CCDC80: variants seen among roughly 807,000 people sequenced by gnomAD.
CCDC80 encodes coiled-coil domain containing 80, also known as coiled-coil domain-containing protein 80.
A neutral mutation model predicts 78.7 loss-of-function variants in CCDC80; 49 were observed. The observed-to-expected ratio is 0.62, with a 90% CI of 0.50 to 0.79. CCDC80 has a LOEUF of 0.79. CCDC80 is among the 30% of genes least tolerant of loss of function. The pLI is 0.00. For synonymous variants in CCDC80, 488 were observed against 447.0 expected (o/e 1.09, Z -1.16); for missense variants, 1,205 against 1,198.6 (o/e 1.01, Z -0.08).
chr3:112,637,221 T>A (rs1163702222), intron 2 of CCDC80, among the ~76,000 whole-genome samples: 1 of 152,148 alleles, frequency 6.6e-6, no homozygotes, highest in African/African-American at 2.4e-5. Context: ...CACATACACA[T>A]TTTACAGAGC....
At position 112,639,848 on chromosome 3, in the gene CCDC80, C is replaced by G. The variant is rs939232650; in HGVS notation, c.58G>C (p.Gly20Arg). Residue 20 changes from glycine (G) to arginine (R), a missense_variant, in exon 2 of 8, where the codon GGA (glycine) becomes CGA (arginine). By Grantham distance (125) the Gly-to-Arg change is moderately radical. Transcript: ENST00000206423. ...GTGGCATGGGGGTGGGGTTCTGATC[C>G]ACACACTAGCCACATGGCCAACAGC... ...TMLLAMWLVC[G>R]SEPHPHATIR... 2 of 1,614,048 alleles carry G rather than the reference C, an allele frequency of 1.2e-6. No individual in the cohort carries two copies. Among genetic ancestry groups the G allele is most frequent in the Non-Finnish European group, 1.7e-6 (2 of 1,180,022 alleles).
At chr3:112,632,197 G>C (rs958106128) in intron 2 of CCDC80, among the ~76,000 whole-genome samples, 2 of 152,012 alleles carry the variant, frequency 1.3e-5, no homozygotes, top group Non-Finnish European at 2.9e-5. Context: ...AGATACCAAA[G>C]TTTTATTTTA....
chr3:112,605,831 G>T, intron 7 of CCDC80, 68 bp from the exon 8 acceptor site: 1 of 1,306,744 alleles, frequency 7.7e-7, no homozygotes, highest in African/African-American at 1.5e-5. Context: ...ACATTAAAGT[G>T]TGAGGAAATT....
chr3:112,630,313 G>C, intron 2 of CCDC80, 44 bp from the exon 3 acceptor site: 1 of 1,587,536 alleles, frequency 6.3e-7, no homozygotes. Flanking sequence ...TATAGTGATA[G>C]TTTCACACTG....
intron 2 of CCDC80, among the ~76,000 whole-genome samples, chr3:112,631,773 C>G (rs984319166): frequency 1.4e-4 from 22 of 152,122 alleles, no homozygotes; most frequent in Admixed American, 1.3e-3. Context: ...CAGGCTTTCC[C>G]TTCTAAGAAT....
Position 112,604,893 on chromosome 3 carries a change from A to G in CCDC80, c.*524T>C, listed in dbSNP as rs1407103140. 1.3e-5 allele frequency: 2 copies of G among 152,268 alleles called. No homozygotes were observed. Among genetic ancestry groups the G allele is most frequent in the African/African-American group, 4.8e-5 (2 of 41,462 alleles). The allele number at this position is 152,268 out of a possible 1,614,324, so 9.4% of individuals were successfully genotyped here. On this transcript the variant is annotated 3_prime_UTR_variant, in exon 8 of 8. Coordinates refer to ENST00000206423, the MANE Select transcript of CCDC80 (RefSeq NM_199511.3). ...GCCAATATTACTGGACTCCCGTGGT[A>G]TCAAGTTTCATAAAAGAAACTCATA...
chr3:112,616,489 C>G (rs41462744), intron 5 of CCDC80, among the ~76,000 whole-genome samples: 6,832 of 149,084 alleles, frequency 0.046, 485 homozygotes, highest in African/African-American at 0.15. Flanking sequence ...CCTGAGTCAC[C>G]AAATCAACAT....
intron 5 of CCDC80, among the ~76,000 whole-genome samples, chr3:112,613,798 A>T (rs1340979910): frequency 2.0e-5 from 3 of 152,010 alleles, no homozygotes; most frequent in Non-Finnish European, 4.4e-5. Flanking sequence ...AAGATTTAGA[A>T]TTAAGAAGAA....
intron 3 of CCDC80, among the ~76,000 whole-genome samples, chr3:112,625,595 TAAAG>T (rs970497195): frequency 6.6e-6 from 1 of 152,198 alleles, no homozygotes; most frequent in African/African-American, 2.4e-5. Context: ...TATATACTCA[TAAAG>T]AAAGATCTCC....
chr3:112,634,544 T>G (rs1320565295), intron 2 of CCDC80, among the ~76,000 whole-genome samples: 4 of 152,152 alleles, frequency 2.6e-5, no homozygotes, highest in Admixed American at 6.5e-5. Context: ...AATCTATTGT[T>G]TTTGACTGAC....
rs1003221983 is a variant in CCDC80 at position 112,622,740 on chromosome 3, C to G, written c.2036-3636G>C. 1.2e-4 allele frequency among the ~76,000 whole-genome samples: 18 copies of G among 151,888 alleles called. 1 individual carries two copies. The highest frequency in any genetic ancestry group is 2.1e-4 in the South Asian group (1 of 4,824). On this transcript the variant is annotated intron_variant, in intron 3 of 7. Transcript: ENST00000206423. Reference sequence around the variant, plus strand: ...GTGCAATCTTGGCTCATTGCAACCTCTGCCTCTGCGGTTCAAGTGATCCTT... The same window carrying G: ...GTGCAATCTTGGCTCATTGCAACCTGTGCCTCTGCGGTTCAAGTGATCCTT...
intron 6 of CCDC80, among the ~76,000 whole-genome samples, chr3:112,608,661 A>G (rs1210193941): frequency 1.3e-5 from 2 of 152,208 alleles, no homozygotes; most frequent in Non-Finnish European, 2.9e-5. Flanking sequence ...TGCTGTAAGA[A>G]TTTCTATCTT....
chr3:112,629,632 T>C (rs1936054928), intron 3 of CCDC80, among the ~76,000 whole-genome samples: 1 of 152,232 alleles, frequency 6.6e-6, no homozygotes, highest in African/African-American at 2.4e-5. Flanking sequence ...TCAGTGACTT[T>C]TCATTTATCT....
At chr3:112,610,915 CTTT>C (rs11379147) in intron 5 of CCDC80, among the ~76,000 whole-genome samples, 6 of 123,282 alleles carry the variant, frequency 4.9e-5, no homozygotes, top group African/African-American at 9.4e-5. Context: ...TTCTTTCTTT[CTTT>C]TTTTTTTTTT....
chr3:112,607,450 G>A (rs931185531), intron 6 of CCDC80, among the ~76,000 whole-genome samples, 194 bp from the exon 7 acceptor site: 1 of 152,136 alleles, frequency 6.6e-6, no homozygotes, highest in East Asian at 1.9e-4. Context: ...CAAAGAAGAT[G>A]AACTGTGATT....
At chr3:112,639,979 T>C (rs564202829) in intron 1 of CCDC80, 63 bp from the exon 2 acceptor site, 3 of 1,518,920 alleles carry the variant, frequency 2.0e-6, no homozygotes, top group Non-Finnish European at 1.8e-6. Flanking sequence ...AAATTATTTA[T>C]CTGGAAACAG....
intron 2 of CCDC80, 89 bp downstream of exon 2, chr3:112,637,939 A>G: frequency 6.6e-7 from 1 of 1,520,816 alleles, no homozygotes; most frequent in Non-Finnish European, 8.7e-7. Context: ...TCTGGCATCT[A>G]GCAATATGAT....
At chr3:112,609,512 A>G (rs568977804) in intron 6 of CCDC80, among the ~76,000 whole-genome samples, 30 of 152,316 alleles carry the variant, frequency 2.0e-4, no homozygotes, top group African/African-American at 6.7e-4. Context: ...GAAGATAAAA[A>G]TCATTTTTAA....
chr3:112,622,421 A>C (rs1935884563), intron 3 of CCDC80, among the ~76,000 whole-genome samples: 1 of 152,066 alleles, frequency 6.6e-6, no homozygotes, highest in African/African-American at 2.4e-5. Context: ...GACAGAGTCC[A>C]CTCTAGGCCA....
Sources: gnomAD v4.1 joint callset for allele counts (sites outside exome capture counted in the v4.1 genomes callset) on GRCh38, gnomAD v4.1.1 for gene constraint, MANE v1.5 for transcripts, NCBI Gene and HGNC (gene_info 2026-07-23, HGNC 2026-07-21) for gene names.